PPP2R3A: variants seen among roughly 807,000 people sequenced by gnomAD.
PPP2R3A encodes the protein protein phosphatase 2 regulatory subunit B''alpha.
PPP2R3A carries 80 observed loss-of-function variants against 106.9 expected under a neutral mutation model. That is an observed-to-expected ratio of 0.75 (90% CI 0.62 to 0.90). The LOEUF is 0.90. Among genes scored for constraint, PPP2R3A ranks in the 40% least tolerant of loss-of-function variants. The pLI is 0.00. For synonymous variants in PPP2R3A, 483 were observed against 468.3 expected (o/e 1.03, Z -0.41); for missense variants, 1,386 against 1,350.4 (o/e 1.03, Z -0.41).
chr3:136,012,607 GA>G (rs775732204), intron 2 of PPP2R3A, among the ~76,000 whole-genome samples: 39 of 144,414 alleles, frequency 2.7e-4, no homozygotes, highest in African/African-American at 7.8e-4. Context: ...ATTTAAGAGT[GA>G]AAAAAAAAAT....
chr3:136,133,376 G>A (rs1379260110), intron 13 of PPP2R3A, among the ~76,000 whole-genome samples: 1 of 152,092 alleles, frequency 6.6e-6, no homozygotes, highest in Non-Finnish European at 1.5e-5. Flanking sequence ...GTAAATAAGT[G>A]TATGAAAAGA....
intron 13 of PPP2R3A, among the ~76,000 whole-genome samples, chr3:136,120,108 G>A (rs1385988465): frequency 6.7e-6 from 1 of 149,812 alleles, no homozygotes; most frequent in African/African-American, 2.4e-5. Flanking sequence ...ACAGGGAGAG[G>A]GACCTTAACA....
chr3:135,980,351 A>G (rs577520343), intron 1 of PPP2R3A, among the ~76,000 whole-genome samples: 1 of 151,804 alleles, frequency 6.6e-6, no homozygotes, highest in Admixed American at 6.5e-5. Context: ...TGAACGAAAT[A>G]TCTTGCTCAG....
chr3:135,984,841 G>A (rs1433688963), intron 1 of PPP2R3A, among the ~76,000 whole-genome samples: 1 of 152,130 alleles, frequency 6.6e-6, no homozygotes. Context: ...ACATGGCTGG[G>A]GAGGCCTCAC....
At chr3:136,012,413 G>T (rs886885790) in intron 2 of PPP2R3A, among the ~76,000 whole-genome samples, 6 of 152,160 alleles carry the variant, frequency 3.9e-5, no homozygotes, top group African/African-American at 1.4e-4. Flanking sequence ...CATAGAATGT[G>T]TTCCCATAAT....
intron 13 of PPP2R3A, among the ~76,000 whole-genome samples, chr3:136,128,446 A>T (rs1348235080): frequency 2.0e-5 from 3 of 152,198 alleles, no homozygotes; most frequent in Admixed American, 2.0e-4. Flanking sequence ...TGGTAAAGGG[A>T]TCAATTCAAC....
At chr3:136,089,569 T>C (rs1937041368) in intron 9 of PPP2R3A, among the ~76,000 whole-genome samples, 1 of 152,044 alleles carries the variant, frequency 6.6e-6, no homozygotes, top group Non-Finnish European at 1.5e-5. Context: ...ATTGGGACTT[T>C]GTTTTTGGTT....
At chr3:136,101,265 TAAAAG>T (rs1286715790) in intron 10 of PPP2R3A, among the ~76,000 whole-genome samples, 6 of 152,128 alleles carry the variant, frequency 3.9e-5, no homozygotes, top group Non-Finnish European at 4.4e-5. Flanking sequence ...AGCAAATAGA[TAAAAG>T]AAAAATATAA....
At chr3:136,029,374 T>C (rs1238326008) in intron 3 of PPP2R3A, among the ~76,000 whole-genome samples, 1 of 152,202 alleles carries the variant, frequency 6.6e-6, no homozygotes, top group African/African-American at 2.4e-5. Context: ...TGGTCTGGCC[T>C]CCCATTCCTG....
At chr3:136,074,407 T>A (rs1372172315) in intron 6 of PPP2R3A, among the ~76,000 whole-genome samples, 2 of 152,200 alleles carry the variant, frequency 1.3e-5, no homozygotes, top group Non-Finnish European at 2.9e-5. Flanking sequence ...TATTCTTATT[T>A]CCAAAAAGAT....
At chr3:136,071,809 T>C (rs1936436825) in intron 6 of PPP2R3A, among the ~76,000 whole-genome samples, 1 of 152,204 alleles carries the variant, frequency 6.6e-6, no homozygotes. Flanking sequence ...ATTTTCTTAC[T>C]CTGCTTCAGC....
intron 1 of PPP2R3A, among the ~76,000 whole-genome samples, chr3:135,986,613 A>T (rs1932930099): frequency 6.6e-6 from 1 of 151,986 alleles, no homozygotes; most frequent in South Asian, 2.1e-4. Context: ...CTTCGCTCTC[A>T]ACTGATGGCT....
At chr3:136,114,723 C>T (rs1937674106) in intron 13 of PPP2R3A, among the ~76,000 whole-genome samples, 1 of 152,198 alleles carries the variant, frequency 6.6e-6, no homozygotes, top group Admixed American at 6.5e-5. Flanking sequence ...GCCAGACTGC[C>T]TCTCTAGATT....
intron 8 of PPP2R3A, among the ~76,000 whole-genome samples, chr3:136,083,405 CT>C (rs1260300631): frequency 6.6e-5 from 10 of 152,180 alleles, no homozygotes; most frequent in African/African-American, 2.4e-4. Flanking sequence ...CACATGCTCT[CT>C]TGCCTGCCAC....
intron 10 of PPP2R3A, among the ~76,000 whole-genome samples, chr3:136,092,327 T>G (rs1212061893): frequency 2.0e-5 from 3 of 152,042 alleles, no homozygotes; most frequent in African/African-American, 7.2e-5. Context: ...CAAAACTCCA[T>G]CACCAAAAAA....
intron 13 of PPP2R3A, among the ~76,000 whole-genome samples, chr3:136,125,723 A>T (rs1043050749): frequency 6.6e-6 from 1 of 152,126 alleles, no homozygotes; most frequent in African/African-American, 2.4e-5. Context: ...CCCTATGAAC[A>T]TCAATATAAA....
At chr3:136,111,385 A>G (rs9837224) in intron 13 of PPP2R3A, among the ~76,000 whole-genome samples, 46,935 of 151,994 alleles carry the variant, frequency 0.31, 7,590 homozygotes, top group African/African-American at 0.35. Flanking sequence ...GAAAACTTTC[A>G]TATCAGTTTC....
At chr3:136,068,600 A>G (rs1936332075) in intron 5 of PPP2R3A, among the ~76,000 whole-genome samples, 1 of 152,260 alleles carries the variant, frequency 6.6e-6, no homozygotes, top group Non-Finnish European at 1.5e-5. Flanking sequence ...TGTAGACAGA[A>G]TAGAAACAAA....
chr3:136,091,126 A>T (rs904771421), intron 10 of PPP2R3A, among the ~76,000 whole-genome samples: 2 of 152,146 alleles, frequency 1.3e-5, no homozygotes, highest in African/African-American at 2.4e-5. Context: ...TGGAGTTATT[A>T]ATTTACACAT....
Sources: gnomAD v4.1 joint callset for allele counts (sites outside exome capture counted in the v4.1 genomes callset) on GRCh38, gnomAD v4.1.1 for gene constraint, MANE v1.5 for transcripts, NCBI Gene and HGNC (gene_info 2026-07-23, HGNC 2026-07-21) for gene names.